Variants in CMIP observed in about 807,000 individuals in gnomAD.
CMIP encodes the protein C-Maf-inducing protein.
Under a neutral mutation model 97.3 loss-of-function variants are expected in CMIP, and 13 were observed. That is an observed-to-expected ratio of 0.13 (90% CI 0.09 to 0.21). The LOEUF (loss-of-function observed/expected upper bound fraction) is 0.21. CMIP is among the 10% of genes least tolerant of loss of function. CMIP has a pLI of 1.00. For missense variants in CMIP, 847 were observed against 1,024.9 expected (o/e 0.83, Z 2.37); for synonymous variants, 538 against 436.3 (o/e 1.23, Z -2.91).
Position 81,703,931 on chromosome 16 carries a change from G to A in CMIP, c.1945-8G>A, listed in dbSNP as rs758647823. ...GCACCCTCAGGCCTCTCCCCCGTCT[G>A]CCCGCAGGACGCTGACTTGGCTCGT... On this transcript the variant is annotated splice_polypyrimidine_tract_variant and splice_region_variant and intron_variant, in intron 17 of 20. Transcript: ENST00000537098. The A allele has an allele frequency of 1.3e-6, 2 of 1,590,752 alleles. No homozygotes were observed. The highest frequency in any genetic ancestry group is 2.3e-5 in the South Asian group (2 of 88,114).
intron 1 of CMIP, among the ~76,000 whole-genome samples, chr16:81,595,395 T>A (rs2150924711): frequency 6.6e-6 from 1 of 151,438 alleles, no homozygotes; most frequent in Non-Finnish European, 1.5e-5. Context: ...TTCTTTTTTT[T>A]TTTTTTTTTC....
At chr16:81,462,090 C>G (rs920418524) in intron 1 of CMIP, among the ~76,000 whole-genome samples, 19 of 152,312 alleles carry the variant, frequency 1.2e-4, no homozygotes, top group Admixed American at 9.8e-4. Flanking sequence ...TGGTCCATTT[C>G]TGCATCCCAT....
intron 1 of CMIP, among the ~76,000 whole-genome samples, chr16:81,564,862 T>A (rs1205552568): frequency 6.6e-6 from 1 of 152,004 alleles, no homozygotes; most frequent in Non-Finnish European, 1.5e-5. Flanking sequence ...ACACAGAGAA[T>A]GAATTCGCAG....
intron 1 of CMIP, among the ~76,000 whole-genome samples, chr16:81,513,534 G>A (rs891468408): frequency 2.0e-5 from 3 of 152,196 alleles, no homozygotes; most frequent in Admixed American, 6.5e-5. Context: ...CTGCCGTGTC[G>A]GGGACACCTT....
At chr16:81,609,517 A>G (rs1430098564) in intron 2 of CMIP, among the ~76,000 whole-genome samples, 1 of 152,214 alleles carries the variant, frequency 6.6e-6, no homozygotes, top group African/African-American at 2.4e-5. Flanking sequence ...GGGAGGCCCC[A>G]TGCGTGAAGA....
intron 1 of CMIP, among the ~76,000 whole-genome samples, chr16:81,592,768 A>G (rs961291097): frequency 1.1e-4 from 17 of 152,142 alleles, no homozygotes; most frequent in Non-Finnish European, 5.9e-5. Context: ...CCCCTTTCCC[A>G]GGATCCTTGG....
chr16:81,542,059 C>T (rs981638172), intron 1 of CMIP, among the ~76,000 whole-genome samples: 3 of 151,982 alleles, frequency 2.0e-5, no homozygotes, highest in Non-Finnish European at 4.4e-5. Context: ...CGTGCCCCAC[C>T]CTGGGTCGAT....
intron 1 of CMIP, among the ~76,000 whole-genome samples, chr16:81,478,196 G>A (rs531498329): frequency 9.8e-5 from 15 of 152,302 alleles, no homozygotes; most frequent in Non-Finnish European, 1.8e-4. Context: ...GACACATTGC[G>A]TGGGCATTCC....
intron 13 of CMIP, among the ~76,000 whole-genome samples, chr16:81,694,311 A>C (rs1238848469): frequency 6.6e-6 from 1 of 152,188 alleles, no homozygotes; most frequent in Non-Finnish European, 1.5e-5. Context: ...AGTTGAGGAC[A>C]GACCTAGACT....
intron 6 of CMIP, among the ~76,000 whole-genome samples, chr16:81,663,286 T>C (rs2092567284): frequency 7.2e-6 from 1 of 138,668 alleles, no homozygotes; most frequent in African/African-American, 3.0e-5. Flanking sequence ...AACAATGCAG[T>C]GTTATTCAGC....
intron 1 of CMIP, among the ~76,000 whole-genome samples, chr16:81,500,272 G>GTCCTTCCTTCCTTCCTTCCGTCCT (rs2089576205): frequency 1.5e-5 from 1 of 64,792 alleles, no homozygotes; most frequent in Non-Finnish European, 3.0e-5. Flanking sequence ...CCTTCCTTCC[G>GTCCTTCCTTCCTTCCTTCCGTCCT]TCCTTCCTTC....
chr16:81,663,661 T>A lies in CMIP; in HGVS notation c.745-608T>A, dbSNP rs1356742684. On this transcript the variant is annotated intron_variant, in intron 6 of 20. Transcript: ENST00000537098. The stretch of plus-strand genomic sequence containing the variant: ...TAACAATGATGTGTCAGTGTGGGGT[T>A]CTCCATTGTAACAAATATCCCACAG... 3.9e-5 allele frequency among the ~76,000 whole-genome samples: 6 copies of A among 152,296 alleles called. No homozygotes were observed. The East Asian group carries it at 1.2e-3, about 29-fold the overall frequency.
intron 1 of CMIP, among the ~76,000 whole-genome samples, chr16:81,587,944 T>TG (rs1410558683): frequency 2.0e-5 from 3 of 152,188 alleles, no homozygotes; most frequent in Admixed American, 6.5e-5. Flanking sequence ...CATGGAAGCC[T>TG]GCAGCCCCCA....
chr16:81,675,346 GGTGT>G lies in CMIP; in HGVS notation c.1035-2927_1035-2924del, dbSNP rs569862560. Among the ~76,000 whole-genome samples the G allele has an allele frequency of 1.9e-3, 285 of 151,594 alleles. 1 individual carries two copies. Among genetic ancestry groups the G allele is most frequent in the African/African-American group, 6.6e-3 (272 of 41,342 alleles). ...AGCCACCCAAGTAGCTGGGATTACAGGTGTGCACTGCCACACCTGGCTAATTTTT... is the reference window on the plus strand; with the variant it reads ...AGCCACCCAAGTAGCTGGGATTACAGGCACTGCCACACCTGGCTAATTTTT... On this transcript the variant is annotated intron_variant, in intron 9 of 20. Coordinates refer to ENST00000537098, the MANE Select transcript of CMIP (RefSeq NM_198390.3).
rs1260459331 is a variant in CMIP at position 81,614,721 on chromosome 16, G to A, written c.427-6155G>A. 2.0e-5 allele frequency among the ~76,000 whole-genome samples: 3 copies of A among 151,630 alleles called. No individual in the cohort carries two copies. The highest frequency in any genetic ancestry group is 7.3e-5 in the African/African-American group (3 of 41,212). The stretch of plus-strand genomic sequence containing the variant: ...GTATGGTATGTCTGCATGTGTGTGC[G>A]TACACATGTGTGTCTCTGTGAGTGT... On this transcript the variant is annotated intron_variant, in intron 2 of 20. Coordinates refer to ENST00000537098, the MANE Select transcript of CMIP (RefSeq NM_198390.3). This position sits in a 1 kb window ranked among gnomAD's most constrained non-coding sequence, Gnocchi z 5.3.
In CMIP at chr16:81,559,419, G is replaced by A. The variant is rs149306164; in HGVS notation, c.301-48148G>A. 1.7e-3 allele frequency among the ~76,000 whole-genome samples: 256 copies of A among 152,322 alleles called. 1 individual carries two copies. Among genetic ancestry groups the A allele is most frequent in the African/African-American group, 6.0e-3 (251 of 41,580 alleles). The stretch of plus-strand genomic sequence containing the variant: ...TTCTAGGTGCAGGAGATAGAGCAAC[G>A]ACCACAGTAGTTAAAATCTGTTTTC... On this transcript the variant is annotated intron_variant, in intron 1 of 20. Transcript: ENST00000537098.
chr16:81,620,470 C>T (rs2091977920), intron 2 of CMIP: 3 of 173,422 alleles, frequency 1.7e-5, no homozygotes, highest in African/African-American at 4.7e-5. Context: ...ATAACAAAAG[C>T]CAAGTTCCTA....
At chr16:81,560,183 G>A (rs1213419418) in intron 1 of CMIP, among the ~76,000 whole-genome samples, 1 of 142,826 alleles carries the variant, frequency 7.0e-6, no homozygotes, top group African/African-American at 2.5e-5. Flanking sequence ...AAAGTTGTGT[G>A]TTTTTTTGGT....
chr16:81,484,425 G>A (rs902808079), intron 1 of CMIP, among the ~76,000 whole-genome samples: 19 of 152,220 alleles, frequency 1.2e-4, no homozygotes, highest in African/African-American at 4.1e-4. Flanking sequence ...ACGAAGGGTA[G>A]ACGGGTTGGG....
Sources: gnomAD v4.1 joint callset for allele counts (sites outside exome capture counted in the v4.1 genomes callset) on GRCh38, gnomAD v4.1.1 for gene constraint, Gnocchi (gnomAD v3.1) non-coding constraint, MANE v1.5 for transcripts, NCBI Gene and HGNC (gene_info 2026-07-23, HGNC 2026-07-21) for gene names.